Variants in SLC25A30 observed in about 807,000 individuals in gnomAD.
The protein encoded by SLC25A30 is solute carrier family 25 member 30.
A neutral mutation model predicts 42.7 loss-of-function variants in SLC25A30; 29 were observed. The observed-to-expected ratio is 0.68, with a 90% confidence interval of 0.51 to 0.93. SLC25A30 has a LOEUF of 0.93. Ranked by LOEUF, SLC25A30 falls within the 40% of genes least tolerant of loss-of-function variation. The pLI is 0.00. For missense variants in SLC25A30, 300 were observed against 359.7 expected, an observed-to-expected ratio of 0.83 and a Z score of 1.34; for synonymous variants, 124 against 131.0, an observed-to-expected ratio of 0.95 and a Z score of 0.37.
At chr13:45,417,213 G>T (rs1883609931) in intron 1 of SLC25A30, among the ~76,000 whole-genome samples, 1 of 152,144 alleles carries the variant, frequency 6.6e-6, no homozygotes, top group African/African-American at 2.4e-5. Flanking sequence ...GTTTCTCCAT[G>T]TTGGCCAGGC....
intron 2 of SLC25A30, among the ~76,000 whole-genome samples, chr13:45,410,578 C>T (rs552868301): frequency 2.6e-5 from 4 of 151,520 alleles, no homozygotes; most frequent in Admixed American, 6.6e-5. Flanking sequence ...TCTGGGAGGC[C>T]GAGGCAAGTG....
the SLC25A30 span, among the ~76,000 whole-genome samples, chr13:45,424,752 T>A: frequency 1.7e-5 from 1 of 57,960 alleles, no homozygotes; most frequent in East Asian, 3.7e-4. Flanking sequence ...TTATATCTAT[T>A]TATATAAATA....
At chr13:45,413,994 G>C (rs1883258099) in intron 1 of SLC25A30, among the ~76,000 whole-genome samples, 1 of 152,172 alleles carries the variant, frequency 6.6e-6, no homozygotes, top group Admixed American at 6.5e-5. Context: ...AAATGTGATG[G>C]AATTGCTTCT....
chr13:45,397,942 G>T, intron 8 of SLC25A30: 1 of 985,520 alleles, frequency 1.0e-6, no homozygotes, highest in Non-Finnish European at 1.2e-6. Context: ...GTGCCATGTG[G>T]GCTCCTGAAC....
intron 9 of SLC25A30, 117 bp from the exon 10 acceptor site, chr13:45,396,132 T>C (rs1593593798): frequency 6.9e-6 from 11 of 1,599,148 alleles, no homozygotes; most frequent in South Asian, 1.1e-5. Flanking sequence ...ACCCACGCTA[T>C]GGACACGATT....
At position 45,393,940 on chromosome 13, in the gene SLC25A30, TCTA is replaced by T; in HGVS notation, c.*2031_*2033del. On this transcript the variant is annotated 3_prime_UTR_variant, in exon 10 of 10. Coordinates refer to ENST00000519676, the MANE Select transcript of SLC25A30 (RefSeq NM_001010875.4). Reference sequence around the variant, plus strand: ...ACATGGTCATTAAAATGAATTTGCTTCTACTGTTTTAAAAATTGTATGCATATT... The same window carrying T: ...ACATGGTCATTAAAATGAATTTGCTTCTGTTTTAAAAATTGTATGCATATT... 1.0e-6 allele frequency: 1 copy of T among 985,338 alleles called. No individual in the cohort carries two copies. Among genetic ancestry groups the T allele is most frequent in the South Asian group, 4.7e-5 (1 of 21,272 alleles). 61.0% of individuals were successfully genotyped at this position (985,338 alleles called of 1,614,324 possible). A position where few individuals can be genotyped will look rare whatever the true frequency, so the allele number is the denominator to read the frequency against.
chr13:45,429,052 A>G, the SLC25A30 span, among the ~76,000 whole-genome samples: 1 of 145,848 alleles, frequency 6.9e-6, no homozygotes, highest in East Asian at 2.0e-4. Context: ...CATATGTGCA[A>G]GCTCTTTTTT....
Position 45,411,392 on chromosome 13 carries a change from C to T in SLC25A30, c.34G>A (p.Gly12Arg), listed in dbSNP as rs773799528. 9.9e-6 allele frequency: 16 copies of T among 1,614,134 alleles called. No homozygotes were observed. Among genetic ancestry groups the T allele is most frequent in the South Asian group, 4.4e-5 (4 of 91,088 alleles). Residue 12 changes from glycine to arginine, a missense_variant, in exon 2 of 10, where the codon GGG becomes AGG. By Grantham distance (125) the Gly-to-Arg change is moderately radical. Coordinates refer to ENST00000519676, the MANE Select transcript of SLC25A30 (RefSeq NM_001010875.4). ...TCAGCAGTGATGGAGGCCAGCCCCC[C>T]GTACACAAACGGCTTCCAGTTGAGG... Reference protein sequence around the residue: ...SALNWKPFVYGGLASITAECG... With the variant: ...SALNWKPFVYRGLASITAECG...
At chr13:45,415,551 G>C (rs1038242993) in intron 1 of SLC25A30, among the ~76,000 whole-genome samples, 1 of 151,916 alleles carries the variant, frequency 6.6e-6, no homozygotes, top group Non-Finnish European at 1.5e-5. Flanking sequence ...AGGAGTTCGA[G>C]ACCAGCCAGG....
At chr13:45,425,088 A>ATGTATATATACATATAT in the SLC25A30 span, among the ~76,000 whole-genome samples, 1 of 3,050 alleles carries the variant, frequency 3.3e-4, no homozygotes, top group Admixed American at 5.0e-3. Context: ...ATAAATATAT[A>ATGTATATATACATATAT]AATATATTTA....
the SLC25A30 span, among the ~76,000 whole-genome samples, chr13:45,424,759 A>T: frequency 1.7e-5 from 1 of 58,472 alleles, no homozygotes; most frequent in African/African-American, 6.7e-5. Context: ...TATTTATATA[A>T]ATATATAAAT....
the SLC25A30 span, among the ~76,000 whole-genome samples, chr13:45,432,631 A>T: frequency 5.3e-5 from 8 of 152,232 alleles, no homozygotes; most frequent in East Asian, 1.5e-3. Flanking sequence ...TGAACAATAC[A>T]ATTTCAAAAA....
intron 4 of SLC25A30, 39 bp from the exon 5 acceptor site, chr13:45,404,451 G>C: frequency 6.9e-7 from 1 of 1,450,262 alleles, no homozygotes. Context: ...TACATATTTA[G>C]AGTTCTTCCC....
At chr13:45,425,880 A>G in the SLC25A30 span, among the ~76,000 whole-genome samples, 1 of 146,158 alleles carries the variant, frequency 6.8e-6, no homozygotes. Flanking sequence ...TTTAGTGGAG[A>G]CAGGGTTTCA....
chr13:45,409,953 A>G (rs762887629), intron 2 of SLC25A30, among the ~76,000 whole-genome samples: 1 of 152,224 alleles, frequency 6.6e-6, no homozygotes, highest in Non-Finnish European at 1.5e-5. Flanking sequence ...CAGCACAGAG[A>G]GCCTAAGCTG....
At position 45,397,238 on chromosome 13, in the gene SLC25A30, A is replaced by T; in HGVS notation, c.834+20T>A. On this transcript the variant is annotated intron_variant, in intron 9 of 9. Transcript: ENST00000519676. ...TTTAGCTGTATCTTTTTTCAGATCT[A>T]TTGCAACAGAAAAGGATACAATGAT... 6.6e-7 allele frequency: 1 copy of T among 1,524,044 alleles called. No homozygotes were observed. 94.4% of individuals were successfully genotyped at this position (1,524,044 alleles called of 1,614,324 possible).
At position 45,394,464 on chromosome 13, in the gene SLC25A30, T is replaced by C; in HGVS notation, c.*1510A>G. 1.0e-6 allele frequency: 1 copy of C among 985,356 alleles called. No individual in the cohort carries two copies. Among genetic ancestry groups the C allele is most frequent in the Non-Finnish European group, 1.2e-6 (1 of 829,932 alleles). The allele number at this position is 985,356 out of a possible 1,614,324, so 61.0% of individuals were successfully genotyped here. On this transcript the variant is annotated 3_prime_UTR_variant, in exon 10 of 10. Coordinates refer to ENST00000519676, the MANE Select transcript of SLC25A30 (RefSeq NM_001010875.4). ...GACTGGGAATTTGGCCGCACTACTG[T>C]GGAAGGAGAATGCCCTGGAGCCCCA...
At chr13:45,403,673 C>T (rs1021505222) in intron 5 of SLC25A30, among the ~76,000 whole-genome samples, 1 of 151,998 alleles carries the variant, frequency 6.6e-6, no homozygotes, top group Non-Finnish European at 1.5e-5. Flanking sequence ...CACGGTGGCT[C>T]ACACCTGTAA....
the SLC25A30 span, among the ~76,000 whole-genome samples, chr13:45,432,908 C>T: frequency 4.6e-5 from 7 of 151,674 alleles, no homozygotes; most frequent in Admixed American, 1.3e-4. Flanking sequence ...TTATGGCACA[C>T]GCCTGTAGTC....
Sources: allele counts gnomAD v4.1 joint callset (sites outside exome capture counted in the v4.1 genomes callset), GRCh38; gene constraint gnomAD v4.1.1; transcripts MANE v1.5; gene names NCBI Gene and HGNC (gene_info 2026-07-23, HGNC 2026-07-21).